Variants in ABTB2 observed in about 807,000 individuals in gnomAD.
ABTB2 encodes ankyrin repeat and BTB domain containing 2.
In ABTB2, 56 loss-of-function variants were observed where a neutral mutation model predicts 104.1. The ratio of observed to expected loss-of-function variants is 0.54; its 90% confidence interval spans 0.43 to 0.67. The LOEUF is 0.67. Among genes scored for constraint, ABTB2 ranks in the 30% least tolerant of loss-of-function variants. The pLI is 0.00. For missense variants in ABTB2, 1,279 were observed against 1,407.7 expected, an observed-to-expected ratio of 0.91 and a Z score of 1.46; for synonymous variants, 606 against 608.2, an observed-to-expected ratio of 1.00 and a Z score of 0.05.
At chr11:34,176,494 A>C (rs1040807035) in intron 3 of ABTB2, among the ~76,000 whole-genome samples, 7 of 151,914 alleles carry the variant, frequency 4.6e-5, no homozygotes, top group Admixed American at 6.6e-5. Flanking sequence ...ATGTTCACTG[A>C]AGCCAGGCCT....
chr11:34,280,695 T>C (rs567529198), intron 1 of ABTB2, among the ~76,000 whole-genome samples: 51 of 151,940 alleles, frequency 3.4e-4, no homozygotes, highest in Non-Finnish European at 5.1e-4. Flanking sequence ...GTGGGAGGGG[T>C]GCTTTATATG....
chr11:34,296,742 C>CA lies in ABTB2; in HGVS notation c.883+59958dup, dbSNP rs564017200. Among the ~76,000 whole-genome samples the CA allele has an allele frequency of 3.9e-5, 6 of 152,074 alleles. No individual in the cohort carries two copies. In the South Asian group the frequency reaches 1.0e-3, roughly 26 times the overall value. On this transcript the variant is annotated intron_variant, in intron 1 of 16. Transcript: ENST00000435224. The stretch of plus-strand genomic sequence containing the variant: ...GCATAATCTGAAATGCTGTACGCTT[C>CA]AAAAAAACTATTTCTTTTAAAGGAG...
At chr11:34,205,138 G>A (rs1254471141) in intron 1 of ABTB2, among the ~76,000 whole-genome samples, 4 of 152,210 alleles carry the variant, frequency 2.6e-5, no homozygotes, top group Non-Finnish European at 5.9e-5. Context: ...GTGACAAAGA[G>A]ACCTGACTTT....
intron 2 of ABTB2, among the ~76,000 whole-genome samples, chr11:34,198,270 C>CA (rs763027572): frequency 6.4e-4 from 98 of 152,036 alleles, no homozygotes; most frequent in Admixed American, 2.8e-3. Context: ...ACTTAAAATA[C>CA]AAAAAATAGT....
intron 1 of ABTB2, among the ~76,000 whole-genome samples, chr11:34,276,669 C>T (rs1854385368): frequency 6.6e-6 from 1 of 152,130 alleles, no homozygotes; most frequent in South Asian, 2.1e-4. Flanking sequence ...AATGCCAGGA[C>T]GTCAAATCAA....
intron 1 of ABTB2, among the ~76,000 whole-genome samples, chr11:34,281,051 C>A (rs190599762): frequency 1.5e-4 from 23 of 152,146 alleles, no homozygotes; most frequent in Non-Finnish European, 2.8e-4. Flanking sequence ...AATGGGGGAG[C>A]CCAGAACATA....
chr11:34,211,643 C>G (rs563542082), intron 1 of ABTB2, among the ~76,000 whole-genome samples: 2 of 152,160 alleles, frequency 1.3e-5, no homozygotes, highest in South Asian at 4.2e-4. Flanking sequence ...CCTGTAATCC[C>G]AGCACTTTGG....
intron 3 of ABTB2, among the ~76,000 whole-genome samples, chr11:34,177,557 G>GT (rs200368925): frequency 2.8e-4 from 42 of 151,434 alleles, no homozygotes; most frequent in East Asian, 9.7e-4. Flanking sequence ...AAAACTGAGG[G>GT]TTTTTTTTTC....
chr11:34,322,993 T>C (rs567882570), intron 1 of ABTB2, among the ~76,000 whole-genome samples: 13 of 152,346 alleles, frequency 8.5e-5, no homozygotes, highest in Admixed American at 6.5e-4. Context: ...CACTGCAACC[T>C]CTGCCTCCTG....
intron 1 of ABTB2, among the ~76,000 whole-genome samples, chr11:34,346,706 T>G (rs1855336928): frequency 6.6e-6 from 1 of 152,094 alleles, no homozygotes; most frequent in Non-Finnish European, 1.5e-5. Flanking sequence ...GTCTGACCTC[T>G]CCACACCACA....
chr11:34,291,557 G>A (rs902361713), intron 1 of ABTB2, among the ~76,000 whole-genome samples: 1 of 152,166 alleles, frequency 6.6e-6, no homozygotes, highest in African/African-American at 2.4e-5. Flanking sequence ...GTGCAATGGT[G>A]CAGTCTTGGC....
At chr11:34,209,116 C>T (rs1484943969) in intron 1 of ABTB2, among the ~76,000 whole-genome samples, 3 of 152,090 alleles carry the variant, frequency 2.0e-5, no homozygotes, top group African/African-American at 4.8e-5. Flanking sequence ...GAGGCAGAGA[C>T]GGGTGAATCA....
intron 1 of ABTB2, among the ~76,000 whole-genome samples, chr11:34,262,493 T>C (rs1854199136): frequency 6.6e-6 from 1 of 152,160 alleles, no homozygotes; most frequent in African/African-American, 2.4e-5. Context: ...AACACAGTCC[T>C]GTTGCAACAA....
In ABTB2 at chr11:34,155,781, A is replaced by G. The variant is rs1590200199; in HGVS notation, c.2698-1012T>C. ...TCTTCCCACCTCTAGAGGTCTGGGA[A>G]GCTCCCACGGCCTTCTGCAGCCCCT... On this transcript the variant is annotated intron_variant, in intron 14 of 16. Coordinates refer to ENST00000435224, the MANE Select transcript of ABTB2 (RefSeq NM_145804.3). Among the ~76,000 whole-genome samples, 4 of 152,322 alleles carry G rather than the reference A, an allele frequency of 2.6e-5. No individual in the cohort carries two copies. In the South Asian group the frequency reaches 8.3e-4, roughly 32 times the overall value.
chr11:34,194,497 T>TA (rs1853222075), intron 3 of ABTB2, among the ~76,000 whole-genome samples: 1 of 152,078 alleles, frequency 6.6e-6, no homozygotes, highest in Non-Finnish European at 1.5e-5. Flanking sequence ...CTCCAGCTAC[T>TA]ATTTGCATCA....
intron 13 of ABTB2, 145 bp downstream of exon 13, chr11:34,159,761 G>C: frequency 1.5e-6 from 1 of 684,722 alleles, no homozygotes; most frequent in Non-Finnish European, 2.5e-6. Context: ...TGTGGGGCGA[G>C]TGGGGCTCTG....
intron 1 of ABTB2, among the ~76,000 whole-genome samples, chr11:34,264,119 G>A (rs780064938): frequency 3.3e-5 from 5 of 152,188 alleles, no homozygotes; most frequent in African/African-American, 4.8e-5. Flanking sequence ...GAAAAAGGGC[G>A]AGAGTTTTAG....
At chr11:34,324,177 C>G (rs1043551713) in intron 1 of ABTB2, among the ~76,000 whole-genome samples, 1 of 152,170 alleles carries the variant, frequency 6.6e-6, no homozygotes, top group Admixed American at 6.5e-5. Context: ...TCCCAAAGTG[C>G]TGGGATTACA....
At chr11:34,276,172 G>C (rs977005079) in intron 1 of ABTB2, among the ~76,000 whole-genome samples, 5 of 150,630 alleles carry the variant, frequency 3.3e-5, no homozygotes, top group Admixed American at 3.3e-4. Context: ...TTCAACATCA[G>C]AGAGCCATGT....
Sources: allele counts gnomAD v4.1 joint callset (sites outside exome capture counted in the v4.1 genomes callset), GRCh38; gene constraint gnomAD v4.1.1; transcripts MANE v1.5; gene names NCBI Gene and HGNC (gene_info 2026-07-23, HGNC 2026-07-21).